The following SLC12A9 variants were observed in gnomAD, a reference collection of about 807,000 sequenced individuals.
SLC12A9 encodes solute carrier family 12 member 9.
A neutral mutation model predicts 66.0 loss-of-function variants in SLC12A9; 55 were observed. The ratio of observed to expected loss-of-function variants is 0.83; its 90% confidence interval spans 0.67 to 1.04. The LOEUF is 1.04. SLC12A9 is among the 50% of genes least tolerant of loss of function. The probability of loss-of-function intolerance (pLI) is 0.00; values close to 1 mark genes in which losing one functional copy is unlikely to be tolerated. For missense variants in SLC12A9, 1,061 were observed against 1,241.9 expected, an observed-to-expected ratio of 0.85 and a Z score of 2.19; for synonymous variants, 577 against 569.0, an observed-to-expected ratio of 1.01 and a Z score of -0.20.
At position 100,855,849 on chromosome 7, in the gene SLC12A9, G is replaced by A; in HGVS notation, c.448+12G>A. The A allele has an allele frequency of 6.3e-7, 1 of 1,594,554 alleles. No individual in the cohort carries two copies. The highest frequency in any genetic ancestry group is 8.5e-7 in the Non-Finnish European group (1 of 1,169,878). On this transcript the variant is annotated intron_variant, in intron 4 of 13. Transcript: ENST00000354161. ...TGTCTTCGGGGCCGGTCTGTGCTCT[G>A]TCCGATCTGGGCAGTGCTGCGGGTT...
upstream of SLC12A9, among the ~76,000 whole-genome samples, chr7:100,848,555 T>A (rs1813971454): frequency 6.7e-6 from 1 of 149,938 alleles, no homozygotes. Flanking sequence ...AAAATAGAAC[T>A]ATGAGACTGG....
At position 100,859,069 on chromosome 7, in the gene SLC12A9, C is replaced by G. The variant is rs558383151; in HGVS notation, c.885C>G (p.Ser295Arg). The G allele has an allele frequency of 6.2e-7, 1 of 1,613,724 alleles. No homozygotes were observed. The highest frequency in any genetic ancestry group is 1.1e-5 in the South Asian group (1 of 91,088). The change falls in exon 7 of 14, where the codon AGC becomes AGG. Residue 295 changes from serine (S) to arginine (R), a missense_variant. Ser to Arg is a moderately radical substitution (Grantham distance 110). Transcript: ENST00000354161. ...CTCCAGGGGAGCTGAAGGACCCCAG[C>G]CGGGCGATCCCTCTGGGCACGATCG... ...ANMSGELKDP[S>R]RAIPLGTIVA...
upstream of SLC12A9, among the ~76,000 whole-genome samples, chr7:100,850,400 C>T (rs1814039416): frequency 6.6e-6 from 1 of 151,914 alleles, no homozygotes; most frequent in East Asian, 1.9e-4. Flanking sequence ...GGCCACCATG[C>T]CCAGCTGATT....
intron 13 of SLC12A9, chr7:100,865,140 T>G (rs1246860359): frequency 1.1e-6 from 1 of 919,814 alleles, no homozygotes; most frequent in African/African-American, 1.6e-5. Flanking sequence ...GTATTTTTAG[T>G]AGAGATAGCA....
At chr7:100,862,853 T>C (rs1266700141) in intron 13 of SLC12A9, 26 bp downstream of exon 13, 1 of 1,612,728 alleles carries the variant, frequency 6.2e-7, no homozygotes, top group African/African-American at 1.3e-5. Context: ...CTGGATGCCC[T>C]CGGCCTTCCT....
At chr7:100,847,483 C>T (rs1194207877) in intron 1 of SLC12A9, among the ~76,000 whole-genome samples, 1 of 152,214 alleles carries the variant, frequency 6.6e-6, no homozygotes, top group Non-Finnish European at 1.5e-5. Context: ...CAGCACCCCT[C>T]TAGCTGCTCA....
At position 100,855,814 on chromosome 7, in the gene SLC12A9, C is replaced by A; in HGVS notation, c.425C>A (p.Ser142Tyr). 1 of 1,612,362 alleles carries A rather than the reference C, an allele frequency of 6.2e-7. No individual in the cohort carries two copies. The highest frequency in any genetic ancestry group is 1.1e-5 in the South Asian group (1 of 90,772). Residue 142 changes from serine (S) to tyrosine (Y), a missense_variant, in exon 4 of 14, where the codon TCT (serine) becomes TAT (tyrosine). Coordinates refer to ENST00000354161, the MANE Select transcript of SLC12A9 (RefSeq NM_020246.4). ...CAVSLLGLVESVLDVFGADAT... is the reference protein window; with the variant it reads ...CAVSLLGLVEYVLDVFGADAT... ...GTCTCCCTCCTGGGGCTGGTGGAGT[C>A]TGTGCTTGATGTCTTCGGGGCCGGT...
intron 7 of SLC12A9, 50 bp from the exon 8 acceptor site, chr7:100,859,835 C>T (rs1433332256): frequency 1.3e-6 from 2 of 1,558,678 alleles, no homozygotes; most frequent in South Asian, 1.2e-5. Context: ...TGGAGATTTT[C>T]TTACCCCGTG....
At chr7:100,854,113 G>C (rs1814237770) in intron 1 of SLC12A9, 43 bp from the exon 2 acceptor site, 1 of 1,315,202 alleles carries the variant, frequency 7.6e-7, no homozygotes, top group Admixed American at 2.7e-5. Context: ...GGGTGGGCGA[G>C]CTCTGTGGGG....
At chr7:100,834,411 A>G (rs1584676049) in intron 1 of SLC12A9, among the ~76,000 whole-genome samples, 1 of 152,312 alleles carries the variant, frequency 6.6e-6, no homozygotes, top group Non-Finnish European at 1.5e-5. Flanking sequence ...CATGGTTTGT[A>G]GAGAAAGATC....
At chr7:100,855,952 T>C (rs1227720778) in intron 4 of SLC12A9, 115 bp downstream of exon 4, 2 of 1,460,056 alleles carry the variant, frequency 1.4e-6, no homozygotes, top group East Asian at 4.8e-5. Context: ...TTACCTTGGC[T>C]TTCTGGAGCT....
intron 5 of SLC12A9, 92 bp downstream of exon 5, chr7:100,857,268 T>G: frequency 1.5e-6 from 2 of 1,361,524 alleles, no homozygotes; most frequent in South Asian, 2.6e-5. Context: ...AGCACAGGTG[T>G]CAGAGGGAAT....
intron 3 of SLC12A9, 32 bp downstream of exon 3, chr7:100,854,786 GC>G: frequency 6.2e-7 from 1 of 1,610,956 alleles, no homozygotes; most frequent in East Asian, 2.2e-5. Context: ...CTGGGGTCTG[GC>G]CTGTTCTGCC....
intron 1 of SLC12A9, among the ~76,000 whole-genome samples, chr7:100,829,501 C>A (rs1409337918): frequency 6.6e-6 from 1 of 151,828 alleles, no homozygotes; most frequent in Non-Finnish European, 1.5e-5. Flanking sequence ...TGCCTGGGTC[C>A]TGCGCCCGGG....
At chr7:100,839,843 C>G (rs1219554658) in intron 1 of SLC12A9, among the ~76,000 whole-genome samples, 1 of 151,992 alleles carries the variant, frequency 6.6e-6, no homozygotes, top group African/African-American at 2.4e-5. Flanking sequence ...GAGATCGAGA[C>G]CATCCTGGCT....
At chr7:100,827,280 A>C (rs1813436114) in intron 1 of SLC12A9, 1 of 155,484 alleles carries the variant, frequency 6.4e-6, no homozygotes, top group South Asian at 2.1e-4. Flanking sequence ...GGCGCGCAGC[A>C]AGACGTGGCT....
chr7:100,855,053 A>T (rs1386998869), intron 3 of SLC12A9, among the ~76,000 whole-genome samples: 1 of 152,036 alleles, frequency 6.6e-6, no homozygotes, highest in Non-Finnish European at 1.5e-5. Context: ...GATTCCAGCT[A>T]CTCGGGAGGC....
Position 100,863,860 on chromosome 7 carries a change from G to C in SLC12A9, c.1858+1033G>C, listed in dbSNP as rs565672224. ...CCAGTTCAGTGTAAATCAGAACCCT[G>C]GGAAATACTGAGGAGGGGGCATGAC... On this transcript the variant is annotated intron_variant, in intron 13 of 13. Coordinates refer to ENST00000354161, the MANE Select transcript of SLC12A9 (RefSeq NM_020246.4). Among the ~76,000 whole-genome samples, 7 of 152,270 alleles carry C rather than the reference G, an allele frequency of 4.6e-5. No homozygotes were observed. In the South Asian group the frequency reaches 8.3e-4, roughly 18 times the overall value.
At chr7:100,843,747 T>G (rs945853546) in intron 1 of SLC12A9, among the ~76,000 whole-genome samples, 3 of 152,238 alleles carry the variant, frequency 2.0e-5, no homozygotes, top group Admixed American at 6.5e-5. Flanking sequence ...TGGTTACAAA[T>G]GCTAGATTAA....
Sources: allele counts gnomAD v4.1 joint callset (sites outside exome capture counted in the v4.1 genomes callset), GRCh38; gene constraint gnomAD v4.1.1; transcripts MANE v1.5; gene names NCBI Gene and HGNC (gene_info 2026-07-23, HGNC 2026-07-21).